Variants in RALYL observed in about 807,000 individuals in gnomAD.
RALYL encodes the protein RALY RNA binding protein like.
RALYL carries 29 observed loss-of-function variants against 35.1 expected under a neutral mutation model. The ratio of observed to expected loss-of-function variants is 0.83; its 90% CI spans 0.61 to 1.13. The LOEUF (loss-of-function observed/expected upper bound fraction) is 1.13, where lower values mean the gene tolerates loss of function less well. RALYL is among the 50% of genes most tolerant of loss of function. RALYL has a pLI of 0.00. For synonymous variants in RALYL, 120 were observed against 127.6 expected, an observed-to-expected ratio of 0.94 and a Z score of 0.40; for missense variants, 359 against 360.4, an observed-to-expected ratio of 1.00 and a Z score of 0.03.
At chr8:84,252,957 G>A (rs1467414686) in intron 1 of RALYL, among the ~76,000 whole-genome samples, 1 of 151,966 alleles carries the variant, frequency 6.6e-6, no homozygotes, top group Non-Finnish European at 1.5e-5. Context: ...CATAATGTGA[G>A]AGTCTTCTCA....
intron 2 of RALYL, among the ~76,000 whole-genome samples, chr8:84,561,738 T>G (rs10088538): frequency 0.056 from 8,522 of 151,902 alleles, 560 homozygotes; most frequent in African/African-American, 0.15. Context: ...CTAACGGGCA[T>G]GTAGTGAAGA....
chr8:84,913,968 AAATTT>A (rs1227814773), intron 8 of RALYL, among the ~76,000 whole-genome samples: 1 of 152,024 alleles, frequency 6.6e-6, no homozygotes, highest in Non-Finnish European at 1.5e-5. Context: ...TGTATACAGT[AAATTT>A]AATTAAATGA....
intron 1 of RALYL, among the ~76,000 whole-genome samples, chr8:84,286,047 G>T (rs1837531674): frequency 6.6e-6 from 1 of 152,248 alleles, no homozygotes; most frequent in Admixed American, 6.5e-5. Context: ...GGTGACAAAT[G>T]ATCAGATTGT....
At position 84,374,825 on chromosome 8, in the gene RALYL, A is replaced by G. The variant is rs147687812; in HGVS notation, c.-23-154474A>G. Among the ~76,000 whole-genome samples, 5 of 151,958 alleles carry G rather than the reference A, an allele frequency of 3.3e-5. No homozygotes were observed. In the East Asian group the frequency reaches 5.8e-4, roughly 18 times the overall value. ...ACCTCCTTGACATGAGTTTACCTGT[A>G]TAACAAACCTACACATGTACTCCTG... On this transcript the variant is annotated intron_variant, in intron 1 of 8. Coordinates refer to ENST00000521268, the MANE Select transcript of RALYL (RefSeq NM_173848.7).
intron 2 of RALYL, among the ~76,000 whole-genome samples, chr8:84,544,335 T>C (rs1341602510): frequency 2.6e-5 from 4 of 152,054 alleles, no homozygotes; most frequent in Admixed American, 1.3e-4. Flanking sequence ...TGTAAACTTT[T>C]ATTTTTTTAA....
At chr8:84,284,275 T>C (rs780278499) in intron 1 of RALYL, among the ~76,000 whole-genome samples, 1 of 152,134 alleles carries the variant, frequency 6.6e-6, no homozygotes, top group Non-Finnish European at 1.5e-5. Flanking sequence ...CAATTTTCCA[T>C]TATATAGAAG....
intron 8 of RALYL, among the ~76,000 whole-genome samples, chr8:84,914,529 A>C (rs558413398): frequency 6.6e-6 from 1 of 152,034 alleles, no homozygotes; most frequent in Non-Finnish European, 1.5e-5. Context: ...AATAAGAGAA[A>C]TGTTAATGTA....
At chr8:84,225,709 C>T (rs1823717733) in intron 1 of RALYL, among the ~76,000 whole-genome samples, 1 of 152,260 alleles carries the variant, frequency 6.6e-6, no homozygotes, top group Admixed American at 6.5e-5. Context: ...GTGACTGCCC[C>T]CACTCCTGAT....
chr8:84,320,644 C>A (rs1239055296), intron 1 of RALYL, among the ~76,000 whole-genome samples: 1 of 152,004 alleles, frequency 6.6e-6, no homozygotes, highest in Non-Finnish European at 1.5e-5. Context: ...ATTCATGAAG[C>A]AAATGGTTAC....
chr8:84,276,672 G>A (rs1835447220), intron 1 of RALYL, among the ~76,000 whole-genome samples: 1 of 152,124 alleles, frequency 6.6e-6, no homozygotes, highest in Non-Finnish European at 1.5e-5. Context: ...GAGATGAAAA[G>A]GAATTTAAGA....
At chr8:84,634,218 C>T (rs1179006667) in intron 2 of RALYL, among the ~76,000 whole-genome samples, 1 of 151,644 alleles carries the variant, frequency 6.6e-6, no homozygotes, top group Admixed American at 6.6e-5. Context: ...ATGTGTTGAC[C>T]CTAAACATAT....
intron 1 of RALYL, among the ~76,000 whole-genome samples, chr8:84,451,778 C>G (rs2049502580): frequency 6.6e-6 from 1 of 151,976 alleles, no homozygotes; most frequent in Non-Finnish European, 1.5e-5. Flanking sequence ...AAACACATTG[C>G]CTTATGGCTA....
intron 4 of RALYL, among the ~76,000 whole-genome samples, chr8:84,818,521 C>G (rs1827842947): frequency 6.6e-6 from 1 of 152,098 alleles, no homozygotes; most frequent in Admixed American, 6.6e-5. Flanking sequence ...GCACCATACC[C>G]CACGTATCAG....
chr8:84,684,870 C>G (rs1015169820), intron 2 of RALYL, among the ~76,000 whole-genome samples: 1 of 152,160 alleles, frequency 6.6e-6, no homozygotes, highest in African/African-American at 2.4e-5. Flanking sequence ...GTTTAAGCAA[C>G]AGCAATTTAT....
chr8:84,577,064 C>A (rs1228736471), intron 2 of RALYL, among the ~76,000 whole-genome samples: 2 of 152,132 alleles, frequency 1.3e-5, no homozygotes, highest in African/African-American at 2.4e-5. Context: ...GAAGTGATAC[C>A]AACCACTTCA....
chr8:84,415,308 C>G (rs530689377), intron 1 of RALYL, among the ~76,000 whole-genome samples: 1 of 151,012 alleles, frequency 6.6e-6, no homozygotes, highest in African/African-American at 2.4e-5. Context: ...AATCTCGGCT[C>G]GGCTCACTGC....
chr8:84,531,641 A>G (rs1426135697), intron 2 of RALYL, among the ~76,000 whole-genome samples: 1 of 152,028 alleles, frequency 6.6e-6, no homozygotes, highest in African/African-American at 2.4e-5. Flanking sequence ...AGCTCTATTT[A>G]CTGTCTGTAT....
chr8:84,617,530 A>C (rs960777688), intron 2 of RALYL, among the ~76,000 whole-genome samples: 9 of 150,484 alleles, frequency 6.0e-5, no homozygotes, highest in Non-Finnish European at 1.2e-4. Flanking sequence ...CAATCATGTC[A>C]TCTGCAAACA....
intron 1 of RALYL, among the ~76,000 whole-genome samples, chr8:84,397,507 G>A (rs1261856296): frequency 6.6e-6 from 1 of 152,052 alleles, no homozygotes; most frequent in African/African-American, 2.4e-5. Context: ...ACAAAGGTAG[G>A]CTAGCTGGTA....
Sources: allele counts gnomAD v4.1 joint callset (sites outside exome capture counted in the v4.1 genomes callset), GRCh38; gene constraint gnomAD v4.1.1; transcripts MANE v1.5; gene names NCBI Gene and HGNC (gene_info 2026-07-23, HGNC 2026-07-21).